The following FOXN3 variants were observed in gnomAD, a reference collection of about 807,000 sequenced individuals.
The protein encoded by FOXN3 is forkhead box N3.
Under a neutral mutation model 38.4 loss-of-function variants are expected in FOXN3, and 7 were observed. The observed-to-expected ratio is 0.18, with a 90% CI of 0.10 to 0.34. The LOEUF is 0.34. Among genes scored for constraint, FOXN3 ranks in the 10% least tolerant of loss-of-function variants. The probability of loss-of-function intolerance (pLI) is 1.00; values close to 1 mark genes in which losing one functional copy is unlikely to be tolerated. For missense variants in FOXN3, 456 were observed against 613.4 expected, an observed-to-expected ratio of 0.74 and a Z score of 2.71; for synonymous variants, 230 against 242.2, an observed-to-expected ratio of 0.95 and a Z score of 0.47.
At chr14:89,189,457 C>T (rs1290868469) in intron 4 of FOXN3, among the ~76,000 whole-genome samples, 2 of 152,224 alleles carry the variant, frequency 1.3e-5, no homozygotes, top group Non-Finnish European at 2.9e-5. Context: ...CTTCATGTCA[C>T]TATTTCCTCA....
At chr14:89,205,810 G>A (rs1888368278) in intron 4 of FOXN3, among the ~76,000 whole-genome samples, 1 of 152,242 alleles carries the variant, frequency 6.6e-6, no homozygotes, top group Admixed American at 6.5e-5. Context: ...CTGCTGTGAG[G>A]TCAGGGGCCA....
rs1443329820 is a variant in FOXN3, at chr14:89,291,533, A to G, written c.681-10519T>C. On this transcript the variant is annotated intron_variant, in intron 3 of 5. Coordinates refer to ENST00000557258, the MANE Select transcript of FOXN3 (RefSeq NM_005197.4). ...AGGGGGCCTGTGGGACTCTGCAGAC[A>G]GCGACTCCAGGCAGCTGACAGCCCA... 8.6e-6 allele frequency: 5 copies of G among 581,390 alleles called. No homozygotes were observed. In the East Asian group the frequency reaches 1.7e-4, roughly 20 times the overall value. 36.0% of individuals were successfully genotyped at this position (581,390 alleles called of 1,614,324 possible).
At chr14:89,444,886 C>T (rs1469091638) in intron 1 of FOXN3, among the ~76,000 whole-genome samples, 4 of 151,966 alleles carry the variant, frequency 2.6e-5, no homozygotes, top group Admixed American at 6.6e-5. Context: ...TTTGGGAGGC[C>T]GAGGCAGCAG....
chr14:89,416,224 T>A (rs1891718330), intron 1 of FOXN3, among the ~76,000 whole-genome samples: 1 of 152,146 alleles, frequency 6.6e-6, no homozygotes, highest in Admixed American at 6.5e-5. Flanking sequence ...GCACCCCGCG[T>A]CAATCAGCGG....
chr14:89,290,009 G>A (rs1035855261), intron 3 of FOXN3, among the ~76,000 whole-genome samples: 12 of 151,890 alleles, frequency 7.9e-5, no homozygotes, highest in African/African-American at 1.2e-4. Flanking sequence ...AACTAAAATC[G>A]CACACACACA....
chr14:89,491,441 T>C (rs917170888), intron 1 of FOXN3, among the ~76,000 whole-genome samples: 6 of 152,242 alleles, frequency 3.9e-5, no homozygotes, highest in African/African-American at 1.4e-4. Context: ...GATGGGACTA[T>C]AGGCATCTGG....
chr14:89,506,116 G>T, intron 1 of FOXN3, among the ~76,000 whole-genome samples: 1 of 135,546 alleles, frequency 7.4e-6, no homozygotes, highest in African/African-American at 2.7e-5. Flanking sequence ...TCCGGGAGGT[G>T]AGGGGCGCCT....
chr14:89,235,923 A>C (rs961649994), intron 4 of FOXN3, among the ~76,000 whole-genome samples: 4 of 147,886 alleles, frequency 2.7e-5, no homozygotes, highest in African/African-American at 1.1e-4. Context: ...TGTTGTTTGA[A>C]GCCACTAGGT....
At chr14:89,189,086 A>G (rs1211126959) in intron 4 of FOXN3, among the ~76,000 whole-genome samples, 3 of 152,164 alleles carry the variant, frequency 2.0e-5, no homozygotes, top group Non-Finnish European at 2.9e-5. Flanking sequence ...AGGCAGAGGA[A>G]CAAGTCTCCC....
intron 4 of FOXN3, among the ~76,000 whole-genome samples, chr14:89,202,987 G>T (rs967409315): frequency 6.9e-6 from 1 of 145,646 alleles, no homozygotes; most frequent in African/African-American, 2.5e-5. Context: ...TGGGGCAATG[G>T]TTATCTTCCA....
rs545266188 is a variant in FOXN3 at position 89,168,877 on chromosome 14, G to A, written c.852-5908C>T. ...ATTTTTAAAGTAGTAGAAAGAAAAC[G>A]TATCGCCTAAAGTACTAATTAAGAT... On this transcript the variant is annotated intron_variant, in intron 5 of 5. Coordinates refer to ENST00000557258, the MANE Select transcript of FOXN3 (RefSeq NM_005197.4). 2.6e-5 allele frequency among the ~76,000 whole-genome samples: 4 copies of A among 152,228 alleles called. No homozygotes were observed. In the East Asian group the frequency reaches 7.7e-4, roughly 29 times the overall value.
intron 1 of FOXN3, among the ~76,000 whole-genome samples, chr14:89,526,721 C>T (rs1306946358): frequency 6.6e-6 from 1 of 152,014 alleles, no homozygotes; most frequent in Non-Finnish European, 1.5e-5. Flanking sequence ...TCCCAACAGG[C>T]TTTTTTTCTA....
chr14:89,482,492 T>C (rs1893353259), intron 1 of FOXN3, among the ~76,000 whole-genome samples: 1 of 152,188 alleles, frequency 6.6e-6, no homozygotes, highest in Admixed American at 6.5e-5. Context: ...AGCATGCCTG[T>C]AGCCCCAGCT....
intron 1 of FOXN3, among the ~76,000 whole-genome samples, chr14:89,476,785 C>A (rs1357273091): frequency 6.6e-6 from 1 of 152,196 alleles, no homozygotes; most frequent in East Asian, 1.9e-4. Flanking sequence ...TCCCCCCACT[C>A]CTTAAACCAG....
At chr14:89,432,929 C>T (rs558871428) in intron 1 of FOXN3, among the ~76,000 whole-genome samples, 23 of 152,280 alleles carry the variant, frequency 1.5e-4, no homozygotes, top group African/African-American at 5.5e-4. Context: ...GATTCTCCTG[C>T]CTTGACCTCC....
rs559921598 is a variant in FOXN3, at chr14:89,294,297, A to G, written c.681-13283T>C. ...GTCCCCAGGGCTTGCCAACGTGGAG[A>G]GGTGCCCAGAGTGCTATCAGGGGTG... On this transcript the variant is annotated intron_variant, in intron 3 of 5. Transcript: ENST00000557258. 5.9e-5 allele frequency among the ~76,000 whole-genome samples: 9 copies of G among 152,256 alleles called. No individual in the cohort carries two copies. The South Asian group carries it at 1.9e-3, about 32-fold the overall frequency.
chr14:89,381,861 G>GGGGAT (rs1335873014), intron 2 of FOXN3, among the ~76,000 whole-genome samples: 1 of 151,818 alleles, frequency 6.6e-6, no homozygotes, highest in Non-Finnish European at 1.5e-5. Context: ...GGGGAGGGGA[G>GGGGAT]GGGAAGGGAA....
At chr14:89,609,897 G>GGGC (rs749669261) in intron 1 of FOXN3, among the ~76,000 whole-genome samples, 7 of 152,066 alleles carry the variant, frequency 4.6e-5, no homozygotes, top group South Asian at 2.1e-4. Context: ...ACGAGGGCGG[G>GGGC]GGCGGCGGCG....
chr14:89,325,292 C>A (rs1394040180), intron 3 of FOXN3, among the ~76,000 whole-genome samples: 2 of 138,918 alleles, frequency 1.4e-5, no homozygotes, highest in Non-Finnish European at 3.1e-5. Context: ...ACCAACACCA[C>A]CAACACCAAC....
Sources: allele counts gnomAD v4.1 joint callset (sites outside exome capture counted in the v4.1 genomes callset), GRCh38; gene constraint gnomAD v4.1.1; transcripts MANE v1.5; gene names NCBI Gene and HGNC (gene_info 2026-07-23, HGNC 2026-07-21).